Variants in SRPK2 observed in about 807,000 individuals in gnomAD.
The protein encoded by SRPK2 is SRSF protein kinase 2, also known as SFRS protein kinase 2.
In SRPK2, 21 loss-of-function variants were observed where a neutral mutation model predicts 90.8. The observed-to-expected ratio is 0.23, with a 90% CI of 0.16 to 0.33. The LOEUF (loss-of-function observed/expected upper bound fraction) is 0.33, where lower values mean the gene tolerates loss of function less well. Among genes scored for constraint, SRPK2 ranks in the 10% least tolerant of loss-of-function variants. SRPK2 has a pLI of 1.00. For missense variants in SRPK2, 620 were observed against 869.0 expected, an observed-to-expected ratio of 0.71 and a Z score of 3.60; for synonymous variants, 288 against 311.1, an observed-to-expected ratio of 0.93 and a Z score of 0.78.
At chr7:105,283,153 T>C (rs911724004) in intron 2 of SRPK2, among the ~76,000 whole-genome samples, 1 of 152,342 alleles carries the variant, frequency 6.6e-6, no homozygotes, top group Admixed American at 6.5e-5. Context: ...CTATTATTGG[T>C]GAGGAGACAG....
At chr7:105,334,965 T>A (rs1368249205) in intron 2 of SRPK2, among the ~76,000 whole-genome samples, 1 of 148,306 alleles carries the variant, frequency 6.7e-6, no homozygotes, top group Non-Finnish European at 1.5e-5. Flanking sequence ...GGTCAGGAGT[T>A]CGATATCAGT....
At chr7:105,125,350 C>A (rs1054470546) in intron 15 of SRPK2, among the ~76,000 whole-genome samples, 1 of 152,038 alleles carries the variant, frequency 6.6e-6, no homozygotes, top group African/African-American at 2.4e-5. Context: ...ATGTGAGGTA[C>A]GCAGCATTTC....
intron 2 of SRPK2, among the ~76,000 whole-genome samples, chr7:105,294,894 G>A (rs897769677): frequency 1.3e-5 from 2 of 151,940 alleles, no homozygotes; most frequent in African/African-American, 4.8e-5. Flanking sequence ...TATGTCTTTT[G>A]GCAAATATTA....
At chr7:105,251,661 C>T (rs1802495625) in intron 2 of SRPK2, among the ~76,000 whole-genome samples, 1 of 152,228 alleles carries the variant, frequency 6.6e-6, no homozygotes, top group South Asian at 2.1e-4. Context: ...TAAACAGAGG[C>T]TTCTCCTACA....
In SRPK2 at chr7:105,210,040, C is replaced by T. The variant is rs79011067; in HGVS notation, c.72-6255G>A. Among the ~76,000 whole-genome samples, 473 of 152,250 alleles carry T rather than the reference C, an allele frequency of 3.1e-3. 14 individuals are homozygous for T. In the East Asian group the frequency reaches 0.063, roughly 20 times the overall value. ...GAAAAGGGAGGAAAAACTCAACAAC[C>T]GAGGAAACTACAAGTCTCATCTGCT... On this transcript the variant is annotated intron_variant, in intron 2 of 15. Transcript: ENST00000393651.
intron 7 of SRPK2, among the ~76,000 whole-genome samples, chr7:105,158,145 C>G (rs1188398555): frequency 1.3e-5 from 2 of 152,196 alleles, no homozygotes; most frequent in Non-Finnish European, 2.9e-5. Context: ...TGAGGTTCCA[C>G]TGAACCTCAG....
intron 2 of SRPK2, among the ~76,000 whole-genome samples, chr7:105,382,058 C>T (rs753041143): frequency 3.9e-5 from 6 of 151,950 alleles, no homozygotes; most frequent in Non-Finnish European, 7.4e-5. Context: ...GTCCCAGCTA[C>T]TTGGGAGGCT....
At chr7:105,214,686 T>C (rs746472305) in intron 2 of SRPK2, among the ~76,000 whole-genome samples, 5 of 152,184 alleles carry the variant, frequency 3.3e-5, no homozygotes, top group Admixed American at 6.5e-5. Context: ...AACTGCAATA[T>C]CTTGTTGAAA....
At chr7:105,170,967 G>GAAAGAAAGAAAGAAAGAAAGAGAA (rs66735717) in intron 3 of SRPK2, among the ~76,000 whole-genome samples, 1 of 74,462 alleles carries the variant, frequency 1.3e-5, no homozygotes, top group Non-Finnish European at 2.7e-5. Context: ...AAGAAAGAAA[G>GAAAGAAAGAAAGAAAGAAAGAGAA]AGAAAGAAAG....
At chr7:105,387,023 GA>G (rs964107083) in intron 2 of SRPK2, among the ~76,000 whole-genome samples, 1 of 152,108 alleles carries the variant, frequency 6.6e-6, no homozygotes. Flanking sequence ...CGACCATTAG[GA>G]AAATCATACT....
intron 2 of SRPK2, among the ~76,000 whole-genome samples, chr7:105,345,620 G>A (rs192909412): frequency 6.6e-6 from 1 of 152,274 alleles, no homozygotes; most frequent in African/African-American, 2.4e-5. Context: ...TCTTTCAAAG[G>A]ATGAAAACTT....
chr7:105,301,073 T>A (rs1253035248), intron 2 of SRPK2, among the ~76,000 whole-genome samples: 1 of 152,140 alleles, frequency 6.6e-6, no homozygotes, highest in Non-Finnish European at 1.5e-5. Flanking sequence ...CACATGTATG[T>A]TTATTGCGGC....
chr7:105,174,297 G>A (rs1791555595), intron 3 of SRPK2, among the ~76,000 whole-genome samples: 1 of 152,012 alleles, frequency 6.6e-6, no homozygotes, highest in Non-Finnish European at 1.5e-5. Context: ...AGACTTACTG[G>A]CCAAAGATAA....
rs143420285 is a variant in SRPK2 at position 105,117,973 on chromosome 7, T to C, written c.1965A>G (p.Val655=). ...TKLKPWSLFD[V]LVEKYGWPHE... The stretch of plus-strand genomic sequence containing the variant: ...GGGGCCAGCCATACTTTTCCACAAG[T>C]ACATCAAAGAGGCTCCAGGGCTTCA... Residue 655 remains valine, a synonymous_variant, in exon 16 of 16, where the codon GTA becomes GTG. Coordinates refer to ENST00000393651, the MANE Select transcript of SRPK2 (RefSeq NM_182692.3). 3 of 1,614,074 alleles carry C rather than the reference T, an allele frequency of 1.9e-6. No homozygotes were observed. The highest frequency in any genetic ancestry group is 2.5e-6 in the Non-Finnish European group (3 of 1,180,036).
intron 2 of SRPK2, among the ~76,000 whole-genome samples, chr7:105,361,144 A>T (rs1818374905): frequency 6.6e-6 from 1 of 152,170 alleles, no homozygotes; most frequent in Non-Finnish European, 1.5e-5. Flanking sequence ...CAGTCAATGT[A>T]CAAAAATCAC....
chr7:105,163,081 T>C (rs556442749), intron 6 of SRPK2, among the ~76,000 whole-genome samples: 2 of 152,326 alleles, frequency 1.3e-5, no homozygotes, highest in South Asian at 2.1e-4. Context: ...CCTAGTATAC[T>C]CAAGATGAAT....
intron 2 of SRPK2, among the ~76,000 whole-genome samples, chr7:105,284,954 G>A (rs1807860342): frequency 6.6e-6 from 1 of 152,088 alleles, no homozygotes; most frequent in Non-Finnish European, 1.5e-5. Context: ...AACATACAGG[G>A]TCTTAAACAC....
chr7:105,394,327 GAGATGGGGTTTCA>G (rs1053253131), upstream of SRPK2, among the ~76,000 whole-genome samples: 1 of 152,038 alleles, frequency 6.6e-6, no homozygotes, highest in African/African-American at 2.4e-5. Context: ...ATTTTTAGTG[GAGATGGGGTTTCA>G]CCATATTGGC....
intron 2 of SRPK2, among the ~76,000 whole-genome samples, chr7:105,263,285 T>G (rs1441956490): frequency 6.6e-6 from 1 of 151,922 alleles, no homozygotes; most frequent in Non-Finnish European, 1.5e-5. Flanking sequence ...ATCGCTCCAC[T>G]TTACTCCAGC....
Sources: allele counts gnomAD v4.1 joint callset (sites outside exome capture counted in the v4.1 genomes callset), GRCh38; gene constraint gnomAD v4.1.1; transcripts MANE v1.5; gene names NCBI Gene and HGNC (gene_info 2026-07-23, HGNC 2026-07-21).